Variants in CCNJL observed in about 807,000 individuals in gnomAD.
The protein encoded by CCNJL is cyclin-J-like protein.
CCNJL carries 33 observed loss-of-function variants against 33.4 expected under a neutral mutation model. The observed-to-expected ratio is 0.99, with a 90% CI of 0.75 to 1.32. The LOEUF is 1.32. Among genes scored for constraint, CCNJL ranks in the 40% most tolerant of loss-of-function variants. The probability of loss-of-function intolerance (pLI) is 0.00; values close to 1 mark genes in which losing one functional copy is unlikely to be tolerated. For missense variants in CCNJL, 512 were observed against 499.7 expected (o/e 1.02, Z -0.23); for synonymous variants, 227 against 220.9 (o/e 1.03, Z -0.24).
intron 3 of CCNJL, among the ~76,000 whole-genome samples, chr5:160,264,725 G>GT (rs1238785628): frequency 1.3e-5 from 2 of 151,742 alleles, no homozygotes; most frequent in African/African-American, 4.9e-5. Flanking sequence ...TAATTCCTAG[G>GT]TCCCCCCTCT....
chr5:160,260,741 T>C (rs1761291091), intron 3 of CCNJL, among the ~76,000 whole-genome samples: 2 of 152,088 alleles, frequency 1.3e-5, no homozygotes, highest in African/African-American at 4.8e-5. Flanking sequence ...TCCTTGGCAG[T>C]TCTTGCCTAT....
In CCNJL at chr5:160,337,277, C is replaced by T. The variant is rs1018681734; in HGVS notation, n.206+2168G>A. ...AAGATCCTTCTGTCTCGCCTCGCCTCCCAAAGTGCTGGGATTACAGGTGTA... is the reference window on the plus strand; with the variant it reads ...AAGATCCTTCTGTCTCGCCTCGCCTTCCAAAGTGCTGGGATTACAGGTGTA... On this transcript the variant is annotated intron_variant and non_coding_transcript_variant, in intron 1 of 7. Transcript: ENST00000377503. 4.0e-5 allele frequency among the ~76,000 whole-genome samples: 6 copies of T among 151,752 alleles called. No homozygotes were observed. In the South Asian group the frequency reaches 1.0e-3, roughly 26 times the overall value.
At chr5:160,315,204 G>A (rs1029240604), upstream of CCNJL, among the ~76,000 whole-genome samples, 3 of 152,066 alleles carry the variant, frequency 2.0e-5, no homozygotes, top group Non-Finnish European at 2.9e-5. Context: ...GGCTGGGCAC[G>A]GTGGCTCATG....
upstream of CCNJL, chr5:160,315,422 A>C: frequency 2.2e-6 from 1 of 448,590 alleles, no homozygotes; most frequent in South Asian, 1.6e-5. Flanking sequence ...TAGAAGAATC[A>C]CTTGAGCACC....
At chr5:160,282,977 A>ATATATATG (rs1762271582) in intron 2 of CCNJL, among the ~76,000 whole-genome samples, 2 of 49,892 alleles carry the variant, frequency 4.0e-5, no homozygotes, top group African/African-American at 2.3e-4. Flanking sequence ...ATATATATAT[A>ATATATATG]TATATATATA....
chr5:160,302,813 AT>A (rs939909138), intron 2 of CCNJL, among the ~76,000 whole-genome samples: 1 of 138,574 alleles, frequency 7.2e-6, no homozygotes, highest in African/African-American at 2.6e-5. Context: ...CTCTGTCTCA[AT>A]AAAAAAAAAA....
chr5:160,285,575 C>G (rs1361653898), intron 2 of CCNJL, among the ~76,000 whole-genome samples: 4 of 152,208 alleles, frequency 2.6e-5, no homozygotes, highest in African/African-American at 9.7e-5. Context: ...TCCATGGGAA[C>G]TTCAAAGAAG....
At chr5:160,293,248 G>A (rs879354727) in intron 2 of CCNJL, among the ~76,000 whole-genome samples, 5 of 152,098 alleles carry the variant, frequency 3.3e-5, no homozygotes, top group African/African-American at 7.2e-5. Flanking sequence ...GTGAAACCCC[G>A]TCTCTACTAC....
intron 1 of CCNJL, among the ~76,000 whole-genome samples, chr5:160,319,460 C>T (rs1045451741): frequency 1.3e-5 from 2 of 152,144 alleles, no homozygotes; most frequent in South Asian, 4.1e-4. Context: ...AGCAGGCTTC[C>T]CTACTTCCCA....
At position 160,249,700 on chromosome 5, in the gene CCNJL, C is replaced by CT. The variant is rs1401641667; in HGVS notation, c.*3677dup. On this transcript the variant is annotated 3_prime_UTR_variant, in exon 6 of 6. Transcript: ENST00000257536. Reference sequence around the variant, plus strand: ...ATCACTTGAGCCCAGAAGGTTGAAGCTGCAGTGAGCCGTGACTGTGCCACT... The same window carrying CT: ...ATCACTTGAGCCCAGAAGGTTGAAGCTTGCAGTGAGCCGTGACTGTGCCACT... The CT allele has an allele frequency of 2.0e-5, 3 of 151,726 alleles. No individual in the cohort carries two copies. Among genetic ancestry groups the CT allele is most frequent in the Non-Finnish European group, 4.4e-5 (3 of 67,988 alleles). The allele number at this position is 151,726 out of a possible 1,614,324, so 9.4% of individuals were successfully genotyped here.
upstream of CCNJL, chr5:160,315,481 T>C: frequency 2.3e-6 from 1 of 435,048 alleles, no homozygotes; most frequent in South Asian, 1.6e-5. Flanking sequence ...CACTCCAGCC[T>C]GGGCAACAGA....
At chr5:160,300,691 T>A (rs9313843) in intron 2 of CCNJL, among the ~76,000 whole-genome samples, 25,857 of 151,828 alleles carry the variant, frequency 0.17, 2,343 homozygotes, top group Non-Finnish European at 0.19. Context: ...CTCTTTTTTT[T>A]AAAAAAAGAG....
intron 4 of CCNJL, among the ~76,000 whole-genome samples, chr5:160,257,185 T>C (rs747676678): frequency 6.6e-6 from 1 of 151,004 alleles, no homozygotes; most frequent in Non-Finnish European, 1.5e-5. Flanking sequence ...TAAAAAAATT[T>C]AAAAAATTGG....
intron 3 of CCNJL, chr5:160,276,433 A>AG (rs758854369): frequency 1.3e-5 from 2 of 151,638 alleles, no homozygotes; most frequent in Non-Finnish European, 2.9e-5. Context: ...AAAAAGAAAA[A>AG]GAAAAAAAAA....
intron 2 of CCNJL, among the ~76,000 whole-genome samples, chr5:160,305,321 GT>G (rs1283423293): frequency 5.3e-5 from 8 of 152,354 alleles, no homozygotes; most frequent in African/African-American, 1.9e-4. Flanking sequence ...CTATCCAGCT[GT>G]CAGAGTTCGG....
intron 3 of CCNJL, chr5:160,274,908 A>G (rs1561784775): frequency 2.0e-5 from 3 of 152,462 alleles, no homozygotes; most frequent in Non-Finnish European, 2.9e-5. Flanking sequence ...GTACGATGGA[A>G]TTGCCATTAG....
At chr5:160,275,089 T>G (rs1185932318) in intron 3 of CCNJL, among the ~76,000 whole-genome samples, 17 of 151,478 alleles carry the variant, frequency 1.1e-4, no homozygotes, top group Admixed American at 1.0e-3. Flanking sequence ...TTGTGTGTTT[T>G]TTTTTTTTTT....
chr5:160,258,428 G>A (rs1057289243), intron 4 of CCNJL: 7 of 923,374 alleles, frequency 7.6e-6, no homozygotes, highest in African/African-American at 1.6e-5. Flanking sequence ...TATAATGACA[G>A]GATGTTTCAC....
Position 160,311,924 on chromosome 5 carries a change from C to T in CCNJL, c.-1G>A. ...CTTCCCACCACGGCTCATCCATCAT[C>T]GCGTACGCAGCGCCGCTATCCGAGG... On this transcript the variant is annotated 5_prime_UTR_variant, in exon 2 of 6. Coordinates refer to ENST00000257536, the MANE Select transcript of CCNJL (RefSeq NM_001308173.3). 6.2e-7 allele frequency: 1 copy of T among 1,614,058 alleles called. No homozygotes were observed. The highest frequency in any genetic ancestry group is 8.5e-7 in the Non-Finnish European group (1 of 1,179,978).
Sources: gnomAD v4.1 joint callset for allele counts (sites outside exome capture counted in the v4.1 genomes callset) on GRCh38, gnomAD v4.1.1 for gene constraint, MANE v1.5 for transcripts, NCBI Gene and HGNC (gene_info 2026-07-23, HGNC 2026-07-21) for gene names.